The following ATXN7L1 variants were observed in gnomAD, a reference collection of about 807,000 sequenced individuals.
The protein encoded by ATXN7L1 is ataxin 7 like 1.
A neutral mutation model predicts 70.8 loss-of-function variants in ATXN7L1; 15 were observed. The observed-to-expected ratio is 0.21, with a 90% CI of 0.14 to 0.33. The LOEUF is 0.33. Ranked by LOEUF, ATXN7L1 falls within the 10% of genes least tolerant of loss-of-function variation. The pLI is 1.00. For synonymous variants in ATXN7L1, 440 were observed against 445.1 expected (o/e 0.99, Z 0.14); for missense variants, 975 against 1,097.1 (o/e 0.89, Z 1.57).
intron 3 of ATXN7L1, among the ~76,000 whole-genome samples, chr7:105,778,501 A>T (rs1584982459): frequency 1.7e-5 from 2 of 115,408 alleles, no homozygotes; most frequent in Admixed American, 2.1e-4. Flanking sequence ...ACAGAGGAAG[A>T]CCCTATCTCA....
intron 2 of ATXN7L1, among the ~76,000 whole-genome samples, chr7:105,872,434 G>A (rs547734068): frequency 3.6e-4 from 55 of 152,078 alleles, no homozygotes; most frequent in Admixed American, 1.5e-3. Context: ...TCCACCAACA[G>A]ATAAGTGGAT....
intron 4 of ATXN7L1, among the ~76,000 whole-genome samples, chr7:105,645,103 G>A (rs1798790936): frequency 1.3e-5 from 2 of 152,126 alleles, no homozygotes; most frequent in African/African-American, 4.8e-5. Flanking sequence ...AGGGAGAATG[G>A]GCAGTTTTTT....
At chr7:105,652,134 A>G (rs1799940432) in intron 4 of ATXN7L1, among the ~76,000 whole-genome samples, 1 of 152,184 alleles carries the variant, frequency 6.6e-6, no homozygotes, top group Non-Finnish European at 1.5e-5. Flanking sequence ...AAGATAAAAA[A>G]GGAAAAATCG....
At chr7:105,694,959 C>G (rs1489303567) in intron 3 of ATXN7L1, among the ~76,000 whole-genome samples, 1 of 152,180 alleles carries the variant, frequency 6.6e-6, no homozygotes, top group African/African-American at 2.4e-5. Context: ...CGAAACCAGC[C>G]CAGCCAACAT....
chr7:105,855,387 C>T (rs964083570), intron 2 of ATXN7L1, among the ~76,000 whole-genome samples: 6 of 152,226 alleles, frequency 3.9e-5, no homozygotes, highest in South Asian at 4.1e-4. Context: ...ATGGGCCACA[C>T]GTTGCTTAAT....
intron 2 of ATXN7L1, among the ~76,000 whole-genome samples, chr7:105,860,128 A>AAT (rs1470485018): frequency 0.19 from 13,516 of 69,860 alleles, 1,469 homozygotes; most frequent in Middle Eastern, 0.22. Context: ...TTTATATGTA[A>AAT]ATATATATAT....
In ATXN7L1 at chr7:105,614,375, G is replaced by A. The variant is rs547604895; in HGVS notation, c.1959C>T (p.Ser653=). Residue 653 remains serine, a synonymous_variant, in exon 10 of 12, where the codon TCC becomes TCT. Coordinates refer to ENST00000419735, the MANE Select transcript of ATXN7L1 (RefSeq NM_020725.2). This position sits in a 1 kb window ranked among gnomAD's most constrained non-coding sequence, Gnocchi z 4.3. ...KKRKPQSSTS[S]SSSSSSSSLQ... The stretch of plus-strand genomic sequence containing the variant: ...AGGAAGAGGAGGAGGAGGAGGAGGA[G>A]GAGGAAGTCGAAGACTGTGGCTTCC... The A allele has an allele frequency of 1.4e-5, 21 of 1,552,104 alleles. No individual in the cohort carries two copies. The African/African-American group carries it at 2.7e-4, about 20-fold the overall frequency.
At chr7:105,709,311 G>A (rs1467828732) in intron 3 of ATXN7L1, among the ~76,000 whole-genome samples, 1 of 152,140 alleles carries the variant, frequency 6.6e-6, no homozygotes, top group East Asian at 1.9e-4. Flanking sequence ...TCCAGCATGG[G>A]CAACAAGAGT....
At chr7:105,766,653 C>T (rs1416076894) in intron 3 of ATXN7L1, among the ~76,000 whole-genome samples, 1 of 152,208 alleles carries the variant, frequency 6.6e-6, no homozygotes, top group Non-Finnish European at 1.5e-5. Context: ...CTGTGCTCTC[C>T]ACCCTCGAGA....
Position 105,732,847 on chromosome 7 carries a change from A to C in ATXN7L1, c.355+55757T>G, listed in dbSNP as rs145182060. On this transcript the variant is annotated intron_variant, in intron 3 of 11. Transcript: ENST00000419735. ...TCATAGCTGTTCCTCAAACCCACCA[A>C]GCATGTTCCTGCCTCAGTGCTGTTG... Among the ~76,000 whole-genome samples the C allele has an allele frequency of 5.9e-5, 9 of 152,306 alleles. No homozygotes were observed. The East Asian group carries it at 1.7e-3, about 29-fold the overall frequency.
In ATXN7L1 at chr7:105,874,841, G is replaced by A. The variant is rs1347906416; in HGVS notation, c.250+971C>T. The stretch of plus-strand genomic sequence containing the variant: ...GGGGGACCATTCTTTGGCATCTAAT[G>A]GCCTTTTCTCCATTCATTTGGGATG... On this transcript the variant is annotated intron_variant, in intron 2 of 11. Transcript: ENST00000419735. 3.0e-4 allele frequency among the ~76,000 whole-genome samples: 45 copies of A among 152,120 alleles called. 1 individual carries two copies. Among genetic ancestry groups the A allele is most frequent in the Admixed American group, 2.9e-3 (45 of 15,278 alleles).
intron 2 of ATXN7L1, among the ~76,000 whole-genome samples, chr7:105,862,077 C>T (rs1272222370): frequency 6.6e-6 from 1 of 152,136 alleles, no homozygotes; most frequent in African/African-American, 2.4e-5. Flanking sequence ...AGCCTGGAGT[C>T]TGGGGACTTG....
At chr7:105,692,428 C>CCCTCCCTCCCTCCCTCCTTCCTTCCTT (rs1791108262) in intron 3 of ATXN7L1, among the ~76,000 whole-genome samples, 1 of 53,790 alleles carries the variant, frequency 1.9e-5, no homozygotes, top group African/African-American at 9.5e-5. Context: ...CTTCCTTCCT[C>CCCTCCCTCCCTCCCTCCTTCCTTCCTT]CCTCCCTCCC....
chr7:105,658,366 C>G (rs1052159569), intron 4 of ATXN7L1, among the ~76,000 whole-genome samples: 1 of 152,106 alleles, frequency 6.6e-6, no homozygotes, highest in Non-Finnish European at 1.5e-5. Context: ...CAAACCTGTA[C>G]AGCATGTGAC....
At chr7:105,730,595 G>GGTGGCAT (rs1215654216) in intron 3 of ATXN7L1, among the ~76,000 whole-genome samples, 9 of 152,148 alleles carry the variant, frequency 5.9e-5, no homozygotes, top group Non-Finnish European at 1.3e-4. Flanking sequence ...AGCTGGGCGT[G>GGTGGCAT]GTGGCATGTG....
chr7:105,733,311 C>G (rs1264318359), intron 3 of ATXN7L1, among the ~76,000 whole-genome samples: 2 of 152,184 alleles, frequency 1.3e-5, no homozygotes, highest in African/African-American at 2.4e-5. Context: ...ATTTGTCAGT[C>G]CTTTCCATTC....
rs542442655 is a variant in ATXN7L1 at position 105,631,996 on chromosome 7, G to A, written c.1202+6357C>T. Among the ~76,000 whole-genome samples, 76 of 152,336 alleles carry A rather than the reference G, an allele frequency of 5.0e-4. 1 individual carries two copies. The South Asian group carries it at 0.016, about 31-fold the overall frequency. The stretch of plus-strand genomic sequence containing the variant: ...TGAGAAACTGAATGGCCCCAGAGAA[G>A]GCTTCCAGATCTTGCCTTTGGGAAT... On this transcript the variant is annotated intron_variant, in intron 7 of 11. Transcript: ENST00000419735.
At chr7:105,690,247 C>T (rs1351351922) in intron 3 of ATXN7L1, among the ~76,000 whole-genome samples, 3 of 152,142 alleles carry the variant, frequency 2.0e-5, no homozygotes, top group Admixed American at 1.3e-4. Context: ...TCAGGTGATC[C>T]GCCCGCCTCA....
At chr7:105,717,885 C>T (rs1005426251) in intron 3 of ATXN7L1, among the ~76,000 whole-genome samples, 3 of 152,132 alleles carry the variant, frequency 2.0e-5, no homozygotes, top group Non-Finnish European at 4.4e-5. Flanking sequence ...CCTGCTCCTA[C>T]CCATTCTCTA....
Sources: allele counts gnomAD v4.1 joint callset (sites outside exome capture counted in the v4.1 genomes callset), GRCh38; gene constraint gnomAD v4.1.1; non-coding constraint Gnocchi (gnomAD v3.1); transcripts MANE v1.5; gene names NCBI Gene and HGNC (gene_info 2026-07-23, HGNC 2026-07-21).